PAK1: variants seen among roughly 807,000 people sequenced by gnomAD.
PAK1 encodes the protein serine/threonine-protein kinase PAK 1.
PAK1 carries 29 observed loss-of-function variants against 67.4 expected under a neutral mutation model. That is an observed-to-expected ratio of 0.43 (90% confidence interval 0.32 to 0.59). The LOEUF (loss-of-function observed/expected upper bound fraction) is 0.59. Among genes scored for constraint, PAK1 ranks in the 20% least tolerant of loss-of-function variants. The pLI, the probability that PAK1 is intolerant of heterozygous loss-of-function variation, is 0.07. For missense variants in PAK1, 337 were observed against 670.7 expected (o/e 0.50, Z 5.50); for synonymous variants, 223 against 237.4 (o/e 0.94, Z 0.56).
chr11:77,454,167 G>A (rs1956982013), intron 1 of PAK1, among the ~76,000 whole-genome samples: 1 of 152,072 alleles, frequency 6.6e-6, no homozygotes, highest in South Asian at 2.1e-4. Flanking sequence ...TTACGTACTA[G>A]GCACTTCCAC....
intron 1 of PAK1, among the ~76,000 whole-genome samples, chr11:77,427,774 G>A (rs905759332): frequency 6.6e-6 from 1 of 152,154 alleles, no homozygotes; most frequent in East Asian, 1.9e-4. Flanking sequence ...GAAAAAAAGG[G>A]GACTGTTTAT....
At chr11:77,381,132 CCA>C (rs1381547656) in intron 2 of PAK1, among the ~76,000 whole-genome samples, 3 of 143,316 alleles carry the variant, frequency 2.1e-5, no homozygotes, top group African/African-American at 5.8e-5. Flanking sequence ...CTCTACCTCA[CCA>C]CAGAGTGTGT....
At chr11:77,521,983 CAT>C in the PAK1 span, among the ~76,000 whole-genome samples, 1 of 152,212 alleles carries the variant, frequency 6.6e-6, no homozygotes, top group African/African-American at 2.4e-5. Flanking sequence ...AGATTTGAAA[CAT>C]AATTTCACTC....
intron 1 of PAK1, among the ~76,000 whole-genome samples, chr11:77,456,496 G>A (rs1474149088): frequency 2.0e-5 from 3 of 152,084 alleles, no homozygotes; most frequent in Non-Finnish European, 4.4e-5. Flanking sequence ...AAGCAGAGAA[G>A]GTCTTTGTTT....
the PAK1 span, among the ~76,000 whole-genome samples, chr11:77,481,072 G>A: frequency 6.6e-6 from 1 of 152,034 alleles, no homozygotes; most frequent in Non-Finnish European, 1.5e-5. Context: ...ATGTTCTAGT[G>A]CATATTTTAA....
chr11:77,454,889 A>G (rs1242771674), intron 1 of PAK1, among the ~76,000 whole-genome samples: 1 of 152,142 alleles, frequency 6.6e-6, no homozygotes, highest in Non-Finnish European at 1.5e-5. Context: ...AAATTCTTGT[A>G]GTTCAGGGAT....
intron 1 of PAK1, among the ~76,000 whole-genome samples, chr11:77,394,628 C>T (rs969164846): frequency 2.6e-5 from 4 of 152,056 alleles, no homozygotes; most frequent in Non-Finnish European, 4.4e-5. Flanking sequence ...GGGCAGATCA[C>T]GAGGTCAAGA....
chr11:77,421,848 CA>C (rs1945316293), intron 1 of PAK1, among the ~76,000 whole-genome samples: 1 of 152,144 alleles, frequency 6.6e-6, no homozygotes, highest in Admixed American at 6.6e-5. Context: ...TTATAATAAT[CA>C]GAGGTATCTA....
intron 10 of PAK1, among the ~76,000 whole-genome samples, chr11:77,341,048 A>G (rs948594196): frequency 1.3e-5 from 2 of 152,206 alleles, no homozygotes; most frequent in African/African-American, 4.8e-5. Context: ...ATTATATTTC[A>G]TCACAACACA....
intron 1 of PAK1, among the ~76,000 whole-genome samples, chr11:77,432,760 T>G (rs1188253954): frequency 6.6e-6 from 1 of 151,360 alleles, no homozygotes; most frequent in Non-Finnish European, 1.5e-5. Flanking sequence ...AATTAAAAAG[T>G]TCAACAAGGT....
the PAK1 span, among the ~76,000 whole-genome samples, chr11:77,515,341 A>T: frequency 6.6e-6 from 1 of 152,160 alleles, no homozygotes; most frequent in Non-Finnish European, 1.5e-5. Flanking sequence ...CTAGATAAAG[A>T]GATTTGTAAG....
chr11:77,503,542 G>T, the PAK1 span, among the ~76,000 whole-genome samples: 1 of 152,166 alleles, frequency 6.6e-6, no homozygotes, highest in Non-Finnish European at 1.5e-5. Flanking sequence ...ATCAATATTA[G>T]CCATATTAGA....
intron 14 of PAK1, among the ~76,000 whole-genome samples, chr11:77,331,513 T>C (rs1941513320): frequency 6.6e-6 from 1 of 152,164 alleles, no homozygotes; most frequent in Non-Finnish European, 1.5e-5. Flanking sequence ...GAAACCATCA[T>C]TCTCAGCAAA....
intron 14 of PAK1, chr11:77,325,264 G>C (rs914315047): frequency 6.3e-7 from 1 of 1,599,938 alleles, no homozygotes; most frequent in African/African-American, 1.3e-5. Flanking sequence ...CCTATTAAGA[G>C]CAGTGGCCAA....
intron 2 of PAK1, 91 bp from the exon 3 acceptor site, chr11:77,380,085 G>T: frequency 1.2e-6 from 1 of 857,988 alleles, no homozygotes; most frequent in Non-Finnish European, 1.8e-6. Context: ...TAGTCTCCTT[G>T]AGAGGGCAAA....
chr11:77,515,045 G>A, the PAK1 span: 1 of 152,190 alleles, frequency 6.6e-6, no homozygotes, highest in Non-Finnish European at 1.5e-5. Context: ...AAAAGAGCAT[G>A]ACATTACCTA....
At chr11:77,383,780 A>T (rs1950135767) in intron 2 of PAK1, among the ~76,000 whole-genome samples, 1 of 152,140 alleles carries the variant, frequency 6.6e-6, no homozygotes, top group South Asian at 2.1e-4. Context: ...AGTAACAATC[A>T]TCCCCTTCAC....
the PAK1 span, among the ~76,000 whole-genome samples, chr11:77,489,417 C>CCT: frequency 6.6e-6 from 1 of 150,740 alleles, no homozygotes; most frequent in Admixed American, 6.6e-5. Context: ...TCTCCTCTCT[C>CCT]CTCTCTCTCT....
intron 14 of PAK1, among the ~76,000 whole-genome samples, chr11:77,328,405 T>C (rs1261103121): frequency 6.6e-6 from 1 of 152,012 alleles, no homozygotes; most frequent in African/African-American, 2.4e-5. Context: ...CCTCAGCAAA[T>C]GTAAAAGAAC....
Sources: gnomAD v4.1 joint callset for allele counts (sites outside exome capture counted in the v4.1 genomes callset) on GRCh38, gnomAD v4.1.1 for gene constraint, MANE v1.5 for transcripts, NCBI Gene and HGNC (gene_info 2026-07-23, HGNC 2026-07-21) for gene names.